Variants in IL7 observed in about 807,000 individuals in gnomAD.
The protein encoded by IL7 is interleukin-7.
Under a neutral mutation model 21.6 loss-of-function variants are expected in IL7, and 3 were observed. That is an observed-to-expected ratio of 0.14 (90% CI 0.06 to 0.36). The LOEUF (loss-of-function observed/expected upper bound fraction) is 0.36, where lower values mean the gene tolerates loss of function less well. Among genes scored for constraint, IL7 ranks in the 10% least tolerant of loss-of-function variants. The pLI, the probability that IL7 is intolerant of heterozygous loss-of-function variation, is 1.00. For missense variants in IL7, 175 were observed against 200.2 expected (o/e 0.87, Z 0.76); for synonymous variants, 62 against 68.1 (o/e 0.91, Z 0.44).
At chr8:78,710,878 C>A (rs968962299) in intron 3 of IL7, among the ~76,000 whole-genome samples, 2 of 152,062 alleles carry the variant, frequency 1.3e-5, no homozygotes, top group African/African-American at 4.8e-5. Flanking sequence ...AACAAAATGC[C>A]TGCTATGTAT....
At chr8:78,740,150 A>T in intron 2 of IL7, 68 bp from the exon 3 acceptor site, 1 of 938,158 alleles carries the variant, frequency 1.1e-6, no homozygotes, top group Non-Finnish European at 1.4e-6. Context: ...TAATTATAAA[A>T]AATAATAATC....
chr8:78,804,877 C>A, intron 1 of IL7, 36 bp downstream of exon 1: 1 of 1,611,808 alleles, frequency 6.2e-7, no homozygotes, highest in Admixed American at 1.7e-5. Context: ...GCGCGTCGGG[C>A]GCGCGAACTT....
chr8:78,717,399 A>T, downstream of IL7: 1 of 1,613,806 alleles, frequency 6.2e-7, no homozygotes, highest in Non-Finnish European at 8.5e-7. Context: ...TCACCTGGAA[A>T]CTTACCAAAA....
intron 4 of IL7, chr8:78,678,611 A>G: frequency 6.2e-7 from 1 of 1,612,650 alleles, no homozygotes; most frequent in Non-Finnish European, 8.5e-7. Context: ...AAAACGGAAG[A>G]CTTTTGATTC....
At chr8:78,754,259 G>A (rs999132039) in intron 2 of IL7, among the ~76,000 whole-genome samples, 20 of 151,946 alleles carry the variant, frequency 1.3e-4, no homozygotes, top group African/African-American at 4.4e-4. Context: ...CAATAATAGA[G>A]AGCCAAATCA....
At chr8:78,782,316 T>C (rs541603673) in intron 2 of IL7, among the ~76,000 whole-genome samples, 41 of 152,204 alleles carry the variant, frequency 2.7e-4, no homozygotes, top group Non-Finnish European at 5.6e-4. Context: ...GTCAGTGTTT[T>C]TTCATTGACT....
intron 2 of IL7, among the ~76,000 whole-genome samples, chr8:78,769,643 C>A (rs1812883439): frequency 6.6e-6 from 1 of 152,124 alleles, no homozygotes; most frequent in Non-Finnish European, 1.5e-5. Flanking sequence ...CCATCCCCAT[C>A]AAGCTACCAA....
At chr8:78,697,451 A>G in intron 3 of IL7, 1 of 1,610,368 alleles carries the variant, frequency 6.2e-7, no homozygotes, top group Non-Finnish European at 8.5e-7. Context: ...CTGGAACTGC[A>G]TCATCAGGAT....
At chr8:78,707,980 G>T (rs1487484769) in intron 3 of IL7, among the ~76,000 whole-genome samples, 1 of 151,548 alleles carries the variant, frequency 6.6e-6, no homozygotes, top group Non-Finnish European at 1.5e-5. Context: ...AGAATGCCTA[G>T]GCTAACAAAA....
At chr8:78,681,075 C>CT (rs112732264) in intron 4 of IL7, among the ~76,000 whole-genome samples, 1,780 of 144,674 alleles carry the variant, frequency 0.012, 31 homozygotes, top group African/African-American at 0.04. Flanking sequence ...AGGCTGTGAC[C>CT]TTTTTTTTTT....
intron 2 of IL7, chr8:78,762,450 C>T (rs937301529): frequency 1.3e-6 from 2 of 1,567,162 alleles, no homozygotes; most frequent in South Asian, 2.3e-5. Flanking sequence ...GCCCGCCGGC[C>T]GGTCCAGCCC....
At position 78,740,041 on chromosome 8, in the gene IL7, T is replaced by A. The variant is rs1384982518; in HGVS notation, c.189A>T (p.Glu63Asp). Residue 63 changes from glutamate (E) to aspartate (D), a missense_variant, in exon 3 of 6, where the codon GAA becomes GAT. Glu to Asp is a conservative substitution (Grantham distance 45). Transcript: ENST00000263851. ...AGATATGTCTTTTAAAAAAGTTAAA[T>A]TCATTATTCAGGCAATTGCTACCAA... ...KEIGSNCLNN[E>D]FNFFKRHICD... The A allele has an allele frequency of 1.3e-6, 2 of 1,538,964 alleles. No individual in the cohort carries two copies. The highest frequency in any genetic ancestry group is 1.4e-5 in the African/African-American group (1 of 70,764).
intron 3 of IL7, among the ~76,000 whole-genome samples, chr8:78,703,716 C>T (rs1024201211): frequency 5.9e-5 from 9 of 152,082 alleles, no homozygotes; most frequent in South Asian, 2.1e-4. Flanking sequence ...ACCAATGGAT[C>T]GTGGTTCTTT....
chr8:78,787,204 C>T (rs1350351484), intron 2 of IL7, among the ~76,000 whole-genome samples: 2 of 152,268 alleles, frequency 1.3e-5, no homozygotes, highest in African/African-American at 4.8e-5. Flanking sequence ...CCCCATTGTA[C>T]AGCCAGTTGG....
At chr8:78,752,835 A>G (rs1490169213) in intron 2 of IL7, among the ~76,000 whole-genome samples, 1 of 152,112 alleles carries the variant, frequency 6.6e-6, no homozygotes, top group African/African-American at 2.4e-5. Flanking sequence ...AGGAGTGAGA[A>G]CGTGCGGTCT....
At chr8:78,782,007 G>C (rs1813348543) in intron 2 of IL7, among the ~76,000 whole-genome samples, 1 of 152,058 alleles carries the variant, frequency 6.6e-6, no homozygotes, top group Non-Finnish European at 1.5e-5. Flanking sequence ...GATCTATTCA[G>C]CTATTGATAC....
At chr8:78,787,569 T>G (rs996584239) in intron 2 of IL7, among the ~76,000 whole-genome samples, 7 of 152,190 alleles carry the variant, frequency 4.6e-5, no homozygotes, top group Admixed American at 2.0e-4. Context: ...ATTTACCTTT[T>G]GTTAAAGTGC....
intron 2 of IL7, among the ~76,000 whole-genome samples, chr8:78,757,870 A>T (rs1291706772): frequency 6.6e-6 from 1 of 152,040 alleles, no homozygotes. Context: ...AGTAGGAGGT[A>T]ATTGACTCAT....
chr8:78,684,928 T>A (rs939925563), intron 4 of IL7, among the ~76,000 whole-genome samples: 2 of 152,210 alleles, frequency 1.3e-5, no homozygotes, highest in African/African-American at 2.4e-5. Context: ...TTTAAGTTTC[T>A]CAACTTGTTT....
Sources: gnomAD v4.1 joint callset for allele counts (sites outside exome capture counted in the v4.1 genomes callset) on GRCh38, gnomAD v4.1.1 for gene constraint, MANE v1.5 for transcripts, NCBI Gene and HGNC (gene_info 2026-07-23, HGNC 2026-07-21) for gene names.